QKI: variants seen among roughly 807,000 people sequenced by gnomAD.
QKI encodes the protein KH domain-containing RNA-binding protein QKI.
QKI carries 10 observed loss-of-function variants against 39.0 expected under a neutral mutation model. That is an observed-to-expected ratio of 0.26 (90% CI 0.16 to 0.43). The LOEUF (loss-of-function observed/expected upper bound fraction) is 0.43. Ranked by LOEUF, QKI falls within the 20% of genes least tolerant of loss-of-function variation. The pLI is 1.00. For synonymous variants in QKI, 204 were observed against 155.4 expected (o/e 1.31, Z -2.33); for missense variants, 218 against 428.0 (o/e 0.51, Z 4.33).
At chr6:163,422,271 A>G (rs1003243145) in intron 1 of QKI, among the ~76,000 whole-genome samples, 4 of 152,216 alleles carry the variant, frequency 2.6e-5, no homozygotes, top group African/African-American at 9.6e-5. Flanking sequence ...AACAAAATAA[A>G]TTATGTTCAT....
At chr6:163,468,162 T>C (rs1791919640) in intron 2 of QKI, among the ~76,000 whole-genome samples, 1 of 152,200 alleles carries the variant, frequency 6.6e-6, no homozygotes, top group South Asian at 2.1e-4. Context: ...CTTCTGTGAA[T>C]GTATTTGTTT....
At chr6:163,526,491 C>T (rs935474762) in intron 3 of QKI, among the ~76,000 whole-genome samples, 4 of 152,092 alleles carry the variant, frequency 2.6e-5, no homozygotes, top group East Asian at 1.9e-4. Context: ...TGGGCAGTAA[C>T]GAATTTTATG....
At chr6:163,525,544 A>C (rs1244773348) in intron 3 of QKI, among the ~76,000 whole-genome samples, 1 of 151,992 alleles carries the variant, frequency 6.6e-6, no homozygotes, top group African/African-American at 2.4e-5. Context: ...TTTTTAGTAG[A>C]GATGGGGTTT....
chr6:163,480,269 C>A (rs62428367), intron 3 of QKI, among the ~76,000 whole-genome samples: 1 of 152,134 alleles, frequency 6.6e-6, no homozygotes, highest in African/African-American at 2.4e-5. Context: ...TTCTCTCTCT[C>A]TCTCTCTCTT....
At position 163,577,490 on chromosome 6, in the gene QKI, C is replaced by T. The variant is rs1777644318; in HGVS notation, c.*6780C>T. The T allele has an allele frequency of 6.6e-6, 1 of 151,924 alleles. No individual in the cohort carries two copies. The highest frequency in any genetic ancestry group is 1.5e-5 in the Non-Finnish European group (1 of 67,976). The allele number at this position is 151,924 out of a possible 1,614,324, so 9.4% of individuals were successfully genotyped here. On this transcript the variant is annotated 3_prime_UTR_variant, in exon 8 of 8. Coordinates refer to ENST00000361752, the MANE Select transcript of QKI (RefSeq NM_006775.3). ...TGAAAGATCAAAGTGTCTAGAAAGC[C>T]CAAACATGTATTCTTAACATAGTAG...
At chr6:163,452,438 A>AT (rs1790640412) in intron 1 of QKI, among the ~76,000 whole-genome samples, 1 of 152,164 alleles carries the variant, frequency 6.6e-6, no homozygotes. Flanking sequence ...CCTTATTAGA[A>AT]TAAGTTATTT....
At chr6:163,520,657 C>T (rs1427473044) in intron 3 of QKI, among the ~76,000 whole-genome samples, 1 of 152,114 alleles carries the variant, frequency 6.6e-6, no homozygotes, top group Non-Finnish European at 1.5e-5. Flanking sequence ...ATCATGCTGG[C>T]AACATCATTG....
chr6:163,441,457 T>TC (rs1789755527), intron 1 of QKI, among the ~76,000 whole-genome samples: 1 of 152,154 alleles, frequency 6.6e-6, no homozygotes, highest in South Asian at 2.1e-4. Context: ...AAAAGGTGTT[T>TC]TTTCTCCAAG....
At chr6:163,500,260 G>A (rs1189279855) in intron 3 of QKI, among the ~76,000 whole-genome samples, 1 of 152,166 alleles carries the variant, frequency 6.6e-6, no homozygotes, top group Non-Finnish European at 1.5e-5. Flanking sequence ...TTTTTAGCAA[G>A]AGTTGTCTTT....
At chr6:163,438,358 A>G (rs1789472841) in intron 1 of QKI, among the ~76,000 whole-genome samples, 1 of 152,084 alleles carries the variant, frequency 6.6e-6, no homozygotes, top group African/African-American at 2.4e-5. Flanking sequence ...TTAAAGAGAA[A>G]GATATATATA....
At position 163,577,340 on chromosome 6, in the gene QKI, T is replaced by TA. The variant is rs1562566647; in HGVS notation, c.*6631dup. 1 of 151,884 alleles carries TA rather than the reference T, an allele frequency of 6.6e-6. No individual in the cohort carries two copies. Among genetic ancestry groups the TA allele is most frequent in the Non-Finnish European group, 1.5e-5 (1 of 68,032 alleles). 9.4% of individuals were successfully genotyped at this position (151,884 alleles called of 1,614,324 possible). A position where few individuals can be genotyped will look rare whatever the true frequency, so the allele number is the denominator to read the frequency against. Reference sequence around the variant, plus strand: ...CCAAAGGTGTGTTTGGTTTGGCTTATACGGTGTTTTGCTTTTTAAACTACT... The same window carrying TA: ...CCAAAGGTGTGTTTGGTTTGGCTTATAACGGTGTTTTGCTTTTTAAACTACT... On this transcript the variant is annotated 3_prime_UTR_variant, in exon 8 of 8. Coordinates refer to ENST00000361752, the MANE Select transcript of QKI (RefSeq NM_006775.3).
At chr6:163,455,148 A>G in intron 1 of QKI, 131 bp from the exon 2 acceptor site, 1 of 634,230 alleles carries the variant, frequency 1.6e-6, no homozygotes, top group Non-Finnish European at 2.5e-6. Context: ...GAATGATAGA[A>G]TAGGCCAGGA....
chr6:163,539,877 T>G (rs114041485), intron 4 of QKI, among the ~76,000 whole-genome samples: 4,240 of 152,242 alleles, frequency 0.028, 192 homozygotes, highest in African/African-American at 0.096. Context: ...CTTTGCTTTT[T>G]CTAATAGGCT....
chr6:163,544,132 G>T (rs1781720337), intron 4 of QKI, among the ~76,000 whole-genome samples: 1 of 151,972 alleles, frequency 6.6e-6, no homozygotes, highest in Admixed American at 6.6e-5. Flanking sequence ...CGCACCCATG[G>T]ATTCAACCAA....
At chr6:163,570,597 C>A in intron 7 of QKI, 97 bp from the exon 8 acceptor site, 2 of 1,563,640 alleles carry the variant, frequency 1.3e-6, no homozygotes, top group Non-Finnish European at 1.7e-6. Flanking sequence ...ATTAGTTTTT[C>A]ATGTTGTCAT....
chr6:163,544,426 A>AGAGCC (rs1477309551), intron 4 of QKI, among the ~76,000 whole-genome samples: 3 of 152,058 alleles, frequency 2.0e-5, no homozygotes, highest in African/African-American at 7.2e-5. Flanking sequence ...ACTTTCAGAG[A>AGAGCC]GAGCTTCAGC....
intron 4 of QKI, among the ~76,000 whole-genome samples, chr6:163,535,595 T>C (rs1781146889): frequency 2.6e-5 from 4 of 152,076 alleles, no homozygotes; most frequent in Admixed American, 2.6e-4. Context: ...TTTTTTCTTA[T>C]ATTAGTAAAA....
At chr6:163,479,214 G>T (rs773507714) in intron 3 of QKI, among the ~76,000 whole-genome samples, 4 of 151,472 alleles carry the variant, frequency 2.6e-5, no homozygotes, top group Non-Finnish European at 5.9e-5. Context: ...GCTTGAACCC[G>T]GGAGGCAGAG....
intron 2 of QKI, among the ~76,000 whole-genome samples, chr6:163,463,765 CAA>C (rs1041301015): frequency 3.3e-5 from 5 of 152,240 alleles, no homozygotes; most frequent in Admixed American, 3.3e-4. Flanking sequence ...TGTTTTATGA[CAA>C]GAGCAGAAGA....
Sources: gnomAD v4.1 joint callset for allele counts (sites outside exome capture counted in the v4.1 genomes callset) on GRCh38, gnomAD v4.1.1 for gene constraint, MANE v1.5 for transcripts, NCBI Gene and HGNC (gene_info 2026-07-23, HGNC 2026-07-21) for gene names.